CDH23: variants seen among roughly 807,000 people sequenced by gnomAD.
CDH23 encodes cadherin-23.
A neutral mutation model predicts 317.1 loss-of-function variants in CDH23; 189 were observed. That is an observed-to-expected ratio of 0.60 (90% CI 0.53 to 0.67). The LOEUF is 0.67. Ranked by LOEUF, CDH23 falls within the 30% of genes least tolerant of loss-of-function variation. CDH23 has a pLI of 0.00. For synonymous variants in CDH23, 1,839 were observed against 1,876.8 expected (o/e 0.98, Z 0.52); for missense variants, 4,401 against 4,592.4 (o/e 0.96, Z 1.20).
intron 6 of CDH23, among the ~76,000 whole-genome samples, chr10:71,517,509 C>T (rs1854398783): frequency 6.6e-6 from 1 of 152,214 alleles, no homozygotes; most frequent in Admixed American, 6.5e-5. Context: ...GCGTGCCTGT[C>T]AGATGCTGAA....
intron 18 of CDH23, among the ~76,000 whole-genome samples, chr10:71,685,155 G>A (rs887994263): frequency 2.0e-5 from 3 of 152,168 alleles, no homozygotes; most frequent in Non-Finnish European, 4.4e-5. Flanking sequence ...CCTGGGCCCT[G>A]GAATTCTCTG....
At chr10:71,655,818 G>A (rs1158163935) in intron 14 of CDH23, among the ~76,000 whole-genome samples, 3 of 152,018 alleles carry the variant, frequency 2.0e-5, no homozygotes, top group Non-Finnish European at 4.4e-5. Flanking sequence ...GCACAGAGAT[G>A]GTAAATTACA....
At chr10:71,561,186 T>C (rs371869302) in intron 6 of CDH23, among the ~76,000 whole-genome samples, 2 of 152,138 alleles carry the variant, frequency 1.3e-5, no homozygotes, top group African/African-American at 4.8e-5. Flanking sequence ...TTTCCTCCCT[T>C]TTCTCTCGCA....
intron 3 of CDH23, among the ~76,000 whole-genome samples, chr10:71,486,692 A>T (rs1371000830): frequency 6.6e-6 from 1 of 152,054 alleles, no homozygotes. Flanking sequence ...GCGCAGCTGG[A>T]CCTGACCTGG....
intron 6 of CDH23, among the ~76,000 whole-genome samples, chr10:71,522,630 T>A (rs1418489711): frequency 6.6e-6 from 1 of 152,168 alleles, no homozygotes; most frequent in African/African-American, 2.4e-5. Flanking sequence ...AGTCCGCCTA[T>A]ACATTGCACG....
In CDH23 at chr10:71,751,636, T is replaced by A. The variant is rs1840004772; in HGVS notation, c.4845+9715T>A. 2 of 1,510,748 alleles carry A rather than the reference T, an allele frequency of 1.3e-6. No homozygotes were observed. Among genetic ancestry groups the A allele is most frequent in the East Asian group, 4.6e-5 (2 of 43,678 alleles). The allele number at this position is 1,510,748 out of a possible 1,614,324, so 93.6% of individuals were successfully genotyped here. ...GGCCATGAGGTCATGACCTTACAGG[T>A]CATCGTGCTGTGAAGGTCAGGAAAC... On this transcript the variant is annotated intron_variant, in intron 38 of 69. Coordinates refer to ENST00000224721, the MANE Select transcript of CDH23 (RefSeq NM_022124.6). This position sits in a 1 kb window ranked among gnomAD's most constrained non-coding sequence, Gnocchi z 4.9.
At chr10:71,631,424 G>GGGA (rs1564698426) in intron 11 of CDH23, among the ~76,000 whole-genome samples, 1 of 152,190 alleles carries the variant, frequency 6.6e-6, no homozygotes, top group Non-Finnish European at 1.5e-5. Context: ...AGGAGCAAGA[G>GGGA]GGAGCACTGA....
In CDH23 at chr10:71,740,949, A is replaced by G; in HGVS notation, c.4616A>G (p.Glu1539Gly). 1.9e-6 allele frequency: 3 copies of G among 1,613,844 alleles called. No individual in the cohort carries two copies. Among genetic ancestry groups the G allele is most frequent in the Non-Finnish European group, 2.5e-6 (3 of 1,179,826 alleles). ...SPFGYNVSVN[E>G]NVGGGTAVVQ... is the part of the protein sequence containing the mutation. ...TTTGGATACAATGTCAGTGTGAATG[A>G]GGTGAGGGCAGCCCCGGGGCCCATA... The change falls in exon 37 of 70, where the codon GAG (glutamate) becomes GGG (glycine). Residue 1539 changes from glutamate to glycine, a missense_variant and splice_region_variant. Physicochemically the swap from Glu to Gly is moderately conservative, Grantham distance 98 (BLOSUM62 -2). Transcript: ENST00000224721.
intron 38 of CDH23, among the ~76,000 whole-genome samples, chr10:71,756,117 G>A (rs191195693): frequency 2.4e-4 from 36 of 152,214 alleles, no homozygotes; most frequent in African/African-American, 7.0e-4. Context: ...GTGAATCCTT[G>A]TACAATGTTT....
chr10:71,609,538 C>T (rs1210992801), intron 9 of CDH23, among the ~76,000 whole-genome samples: 1 of 152,198 alleles, frequency 6.6e-6, no homozygotes. Context: ...AGACCTTCCT[C>T]TTCCTGAGCT....
chr10:71,553,354 C>G (rs112236318), intron 6 of CDH23, among the ~76,000 whole-genome samples: 4 of 152,170 alleles, frequency 2.6e-5, no homozygotes, highest in South Asian at 2.1e-4. Flanking sequence ...CAGCCCCGTT[C>G]GAACCTTCCC....
chr10:71,446,454 C>A, intron 3 of CDH23, 59 bp downstream of exon 3: 1 of 1,474,012 alleles, frequency 6.8e-7, no homozygotes, highest in Non-Finnish European at 9.5e-7. Flanking sequence ...TCCCTTCCCA[C>A]AAGTGAAGGG....
At chr10:71,720,420 A>AACACACACACACACACACACACACAC (rs57346519) in intron 28 of CDH23, among the ~76,000 whole-genome samples, 10 of 145,746 alleles carry the variant, frequency 6.9e-5, no homozygotes, top group African/African-American at 2.6e-4. Flanking sequence ...CTCTTTCCAA[A>AACACACACACACACACACACACACAC]ACACACACAC....
At chr10:71,650,830 C>G (rs1444846137) in intron 14 of CDH23, among the ~76,000 whole-genome samples, 2 of 152,224 alleles carry the variant, frequency 1.3e-5, no homozygotes, top group East Asian at 3.8e-4. Flanking sequence ...TATCCTGGGA[C>G]CCTGCTAGGC....
chr10:71,525,067 C>T (rs1854953429), intron 6 of CDH23, among the ~76,000 whole-genome samples: 1 of 151,802 alleles, frequency 6.6e-6, no homozygotes, highest in African/African-American at 2.4e-5. Context: ...ACCACCATGC[C>T]CAGCTAATTT....
At chr10:71,491,855 T>C (rs1209012810) in intron 3 of CDH23, among the ~76,000 whole-genome samples, 1 of 152,178 alleles carries the variant, frequency 6.6e-6, no homozygotes, top group African/African-American at 2.4e-5. Flanking sequence ...TCTAAGGCCC[T>C]GTTCAGCTCT....
Position 71,806,249 on chromosome 10 carries a change from G to C in CDH23, c.8146G>C (p.Asp2716His). 1 of 1,570,102 alleles carries C rather than the reference G, an allele frequency of 6.4e-7. No individual in the cohort carries two copies. Among genetic ancestry groups the C allele is most frequent in the South Asian group, 1.2e-5 (1 of 85,372 alleles). Residue 2716 changes from aspartate (D) to histidine (H), a missense_variant, in exon 57 of 70, where the codon GAT becomes CAT. This residue lies in a region of CDH23 where 1,144 missense variants were observed against 1,138.2 expected (regional missense o/e 1.01). Coordinates refer to ENST00000224721, the MANE Select transcript of CDH23 (RefSeq NM_022124.6). Reference protein sequence around the residue: ...QPLQVALEDIDDNEPLFVRPP... With the variant: ...QPLQVALEDIHDNEPLFVRPP... ...GCTGCAGGTGGCCCTGGAGGACATC[G>C]ATGACAACGAACCCCTTTTCGTGAG...
At chr10:71,656,317 C>A (rs1354801116) in intron 14 of CDH23, among the ~76,000 whole-genome samples, 2 of 152,216 alleles carry the variant, frequency 1.3e-5, no homozygotes, top group Non-Finnish European at 2.9e-5. Context: ...TACTTCTGGG[C>A]AGGGCCAGGT....
chr10:71,815,353 G>C lies in CDH23; in HGVS notation c.*75G>C. On this transcript the variant is annotated 3_prime_UTR_variant, in exon 70 of 70. Transcript: ENST00000224721. The stretch of plus-strand genomic sequence containing the variant: ...TCCCAGGGAGCAAGGGCAGGGACAG[G>C]GCCGGTCGGGGGGGACCCTCCAAGG... 1 of 1,376,802 alleles carries C rather than the reference G, an allele frequency of 7.3e-7. No individual in the cohort carries two copies. Among genetic ancestry groups the C allele is most frequent in the Non-Finnish European group, 9.7e-7 (1 of 1,029,306 alleles). The allele number at this position is 1,376,802 out of a possible 1,614,324, so 85.3% of individuals were successfully genotyped here.
Sources: allele counts gnomAD v4.1 joint callset (sites outside exome capture counted in the v4.1 genomes callset), GRCh38; gene constraint gnomAD v4.1.1; regional missense constraint gnomAD v4.1.1; non-coding constraint Gnocchi (gnomAD v3.1); transcripts MANE v1.5; gene names NCBI Gene and HGNC (gene_info 2026-07-23, HGNC 2026-07-21).